The following MROH2B variants were observed in gnomAD, a reference collection of about 807,000 sequenced individuals.
MROH2B encodes the protein maestro heat-like repeat-containing protein family member 2B.
A neutral mutation model predicts 208.6 loss-of-function variants in MROH2B; 177 were observed. The observed-to-expected ratio is 0.85, with a 90% confidence interval of 0.75 to 0.96. The LOEUF (loss-of-function observed/expected upper bound fraction) is 0.96. Ranked by LOEUF, MROH2B falls within the 40% of genes least tolerant of loss-of-function variation. The pLI, the probability that MROH2B is intolerant of heterozygous loss-of-function variation, is 0.00. For missense variants in MROH2B, 2,002 were observed against 1,878.7 expected (o/e 1.07, Z -1.21); for synonymous variants, 728 against 659.0 (o/e 1.10, Z -1.60).
At chr5:41,039,419 G>T (rs778755315) in intron 20 of MROH2B, 29 bp downstream of exon 20, 1 of 1,375,006 alleles carries the variant, frequency 7.3e-7, no homozygotes, top group Admixed American at 2.0e-5. Context: ...TTGCAATACT[G>T]AGAATTTGAA....
chr5:41,067,065 G>T (rs1468625727), intron 3 of MROH2B, 43 bp downstream of exon 3: 1 of 1,120,056 alleles, frequency 8.9e-7, no homozygotes, highest in Non-Finnish European at 1.3e-6. Flanking sequence ...GGGTGCAGTT[G>T]GGTCACATAA....
chr5:41,039,081 G>A (rs1742858311), intron 20 of MROH2B, among the ~76,000 whole-genome samples, 193 bp from the exon 21 acceptor site: 1 of 152,168 alleles, frequency 6.6e-6, no homozygotes, highest in Non-Finnish European at 1.5e-5. Context: ...GGATGATCAG[G>A]CCTTCAGAGA....
chr5:41,016,733 G>A (rs780559566), intron 28 of MROH2B, among the ~76,000 whole-genome samples: 8 of 151,838 alleles, frequency 5.3e-5, no homozygotes, highest in African/African-American at 1.4e-4. Context: ...CATATGCTTC[G>A]GGCTCCCAAA....
At chr5:41,040,855 T>C (rs1579940227) in intron 19 of MROH2B, among the ~76,000 whole-genome samples, 2 of 151,924 alleles carry the variant, frequency 1.3e-5, no homozygotes, top group African/African-American at 4.8e-5. Flanking sequence ...TCAGTAGAGA[T>C]GGGGTTTCAC....
intron 21 of MROH2B, among the ~76,000 whole-genome samples, chr5:41,038,410 T>G (rs1356242300): frequency 6.6e-6 from 1 of 152,078 alleles, no homozygotes; most frequent in Non-Finnish European, 1.5e-5. Flanking sequence ...GGAAAGAAAA[T>G]AGATTACCTG....
At chr5:41,012,932 G>A (rs987727720) in intron 29 of MROH2B, among the ~76,000 whole-genome samples, 197 bp from the exon 30 acceptor site, 4 of 152,184 alleles carry the variant, frequency 2.6e-5, no homozygotes, top group Admixed American at 6.5e-5. Context: ...CAAACTTTCC[G>A]TGGAGTTGCC....
chr5:40,999,410 G>A (rs1411353542), intron 40 of MROH2B, among the ~76,000 whole-genome samples: 1 of 152,192 alleles, frequency 6.6e-6, no homozygotes, highest in African/African-American at 2.4e-5. Context: ...AAGGAGCAAG[G>A]ACTTGGAGCC....
At chr5:41,064,247 T>A (rs917704009) in intron 5 of MROH2B, among the ~76,000 whole-genome samples, 8 of 152,148 alleles carry the variant, frequency 5.3e-5, no homozygotes, top group African/African-American at 1.9e-4. Context: ...CAGTTTTTCC[T>A]CTATACAATG....
chr5:41,029,448 T>G (rs1232235909), intron 24 of MROH2B, among the ~76,000 whole-genome samples: 1 of 152,198 alleles, frequency 6.6e-6, no homozygotes, highest in Non-Finnish European at 1.5e-5. Context: ...GACTATTCCC[T>G]TTGTGCTGCA....
chr5:41,025,756 T>A (rs1261827681), intron 24 of MROH2B, among the ~76,000 whole-genome samples: 2 of 152,080 alleles, frequency 1.3e-5, no homozygotes, highest in East Asian at 3.8e-4. Flanking sequence ...TAGACCAATA[T>A]CCCTGATGAA....
At chr5:40,998,235 C>A in intron 41 of MROH2B, 77 bp from the exon 42 acceptor site, 1 of 1,218,394 alleles carries the variant, frequency 8.2e-7, no homozygotes. Flanking sequence ...AGCCAAGGCC[C>A]AACTTTTTAG....
At chr5:41,017,578 G>A (rs6875804) in intron 28 of MROH2B, among the ~76,000 whole-genome samples, 2 of 152,016 alleles carry the variant, frequency 1.3e-5, no homozygotes, top group Non-Finnish European at 1.5e-5. Context: ...AAGATATACC[G>A]GTTTCAGATC....
intron 18 of MROH2B, among the ~76,000 whole-genome samples, chr5:41,043,657 G>C (rs989579827): frequency 2.0e-5 from 3 of 152,300 alleles, no homozygotes; most frequent in South Asian, 4.1e-4. Flanking sequence ...ATGTGGTAGA[G>C]TGCAAAAATA....
chr5:41,005,443 T>G, intron 35 of MROH2B, 88 bp downstream of exon 35: 6 of 266,310 alleles, frequency 2.3e-5, no homozygotes, highest in South Asian at 3.6e-5. Flanking sequence ...CTCTCTTCCC[T>G]GGTTCCAGTG....
chr5:41,017,503 T>C (rs1561281458), intron 28 of MROH2B, among the ~76,000 whole-genome samples: 3 of 152,242 alleles, frequency 2.0e-5, no homozygotes, highest in Admixed American at 6.5e-5. Flanking sequence ...CTTTAATGGA[T>C]CTTTATAATG....
rs1019589002 is a variant in MROH2B, at chr5:41,038,946, C to T, written c.2062-58G>A. Reference sequence around the variant, plus strand: ...TGACTGAAGGAGTTCTATTTTCTCTCATGTTTTTTTCCTAATCCTGTGGAC... The same window carrying T: ...TGACTGAAGGAGTTCTATTTTCTCTTATGTTTTTTTCCTAATCCTGTGGAC... On this transcript the variant is annotated intron_variant, in intron 20 of 41. Coordinates refer to ENST00000399564, the MANE Select transcript of MROH2B (RefSeq NM_173489.5). 3 of 1,510,396 alleles carry T rather than the reference C, an allele frequency of 2.0e-6. No individual in the cohort carries two copies. In the African/African-American group the frequency reaches 4.2e-5, roughly 21 times the overall value. The allele number at this position is 1,510,396 out of a possible 1,614,324, so 93.6% of individuals were successfully genotyped here. A position where few individuals can be genotyped will look rare whatever the true frequency, so the allele number is the denominator to read the frequency against.
chr5:41,017,833 C>T lies in MROH2B; in HGVS notation c.2884+17G>A. Reference sequence around the variant, plus strand: ...GGTTTCTTTTCTTCATTTGTGGGTTCCCCATCTTTCCCTCACCTTTTATAT... The same window carrying T: ...GGTTTCTTTTCTTCATTTGTGGGTTTCCCATCTTTCCCTCACCTTTTATAT... On this transcript the variant is annotated intron_variant, in intron 28 of 41. Coordinates refer to ENST00000399564, the MANE Select transcript of MROH2B (RefSeq NM_173489.5). The T allele has an allele frequency of 6.4e-7, 1 of 1,568,372 alleles. No individual in the cohort carries two copies. Among genetic ancestry groups the T allele is most frequent in the Non-Finnish European group, 8.6e-7 (1 of 1,160,090 alleles).
At chr5:41,008,904 A>G in intron 32 of MROH2B, 111 bp from the exon 33 acceptor site, 1 of 1,136,308 alleles carries the variant, frequency 8.8e-7, no homozygotes, top group Non-Finnish European at 1.2e-6. Context: ...CACACAGAAA[A>G]GGGAGGGTTT....
At chr5:41,018,544 A>C in intron 26 of MROH2B, 114 bp from the exon 27 acceptor site, 1 of 1,439,114 alleles carries the variant, frequency 6.9e-7, no homozygotes. Context: ...CTCCCCACAA[A>C]CAATTTTTAA....
Sources: gnomAD v4.1 joint callset for allele counts (sites outside exome capture counted in the v4.1 genomes callset) on GRCh38, gnomAD v4.1.1 for gene constraint, MANE v1.5 for transcripts, NCBI Gene and HGNC (gene_info 2026-07-23, HGNC 2026-07-21) for gene names.